RGS20: variants seen among roughly 807,000 people sequenced by gnomAD.
RGS20 encodes regulator of G protein signaling 20.
Under a neutral mutation model 33.6 loss-of-function variants are expected in RGS20, and 30 were observed. The observed-to-expected ratio is 0.89, with a 90% CI of 0.67 to 1.21. The LOEUF (loss-of-function observed/expected upper bound fraction) is 1.21, where lower values mean the gene tolerates loss of function less well. Among genes scored for constraint, RGS20 ranks in the 50% most tolerant of loss-of-function variants. The pLI, the probability that RGS20 is intolerant of heterozygous loss-of-function variation, is 0.00. For synonymous variants in RGS20, 208 were observed against 197.9 expected (o/e 1.05, Z -0.43); for missense variants, 472 against 502.4 (o/e 0.94, Z 0.58).
Position 53,879,412 on chromosome 8 carries a change from T to G in RGS20, c.320T>G (p.Leu107Arg). 1.2e-6 allele frequency: 2 copies of G among 1,609,166 alleles called. No homozygotes were observed. Among genetic ancestry groups the G allele is most frequent in the South Asian group, 2.2e-5 (2 of 90,924 alleles). Reference sequence around the variant, plus strand: ...CGGAGGCGCCTGGACTTCTCCCCCCTGCTTCCCGCCCTGCCGGCCGCCCGG... The same window carrying G: ...CGGAGGCGCCTGGACTTCTCCCCCCGGCTTCCCGCCCTGCCGGCCGCCCGG... The change falls in exon 2 of 6, where the codon CTG (leucine) becomes CGG (arginine). Residue 107 changes from leucine to arginine, a missense_variant. By Grantham distance (102) the Leu-to-Arg change is moderately radical. Transcript: ENST00000297313.
chr8:53,929,310 T>C (rs1813889308), intron 2 of RGS20, among the ~76,000 whole-genome samples: 1 of 152,226 alleles, frequency 6.6e-6, no homozygotes, highest in South Asian at 2.1e-4. Context: ...ATTGGATGTC[T>C]GTTAGACCTC....
chr8:53,886,034 A>C (rs1238272201), intron 2 of RGS20, among the ~76,000 whole-genome samples: 5 of 152,206 alleles, frequency 3.3e-5, no homozygotes, highest in African/African-American at 7.2e-5. Flanking sequence ...GGAATATTTC[A>C]GATTGGTTTT....
intron 2 of RGS20, among the ~76,000 whole-genome samples, chr8:53,904,662 T>C (rs1017064725): frequency 9.9e-5 from 15 of 152,200 alleles, no homozygotes; most frequent in African/African-American, 3.4e-4. Flanking sequence ...CCCAAGTGTT[T>C]AATACTTTCA....
intron 1 of RGS20, among the ~76,000 whole-genome samples, chr8:53,870,877 C>T (rs1311880286): frequency 6.6e-6 from 1 of 151,246 alleles, no homozygotes; most frequent in East Asian, 2.0e-4. Context: ...CTTTGGGAGG[C>T]TGAGGTAGGT....
intron 2 of RGS20, among the ~76,000 whole-genome samples, chr8:53,882,693 C>T (rs547351060): frequency 6.1e-4 from 93 of 152,264 alleles, no homozygotes; most frequent in African/African-American, 2.1e-3. Context: ...TGTCGAACTC[C>T]CCACGTTCCC....
At chr8:53,880,970 G>A in intron 2 of RGS20, 3 of 1,584,836 alleles carry the variant, frequency 1.9e-6, no homozygotes, top group East Asian at 2.3e-5. Context: ...GACGTAGAGA[G>A]GGCAGCCCTC....
intron 2 of RGS20, among the ~76,000 whole-genome samples, chr8:53,922,061 C>T (rs1291386884): frequency 6.6e-6 from 1 of 151,946 alleles, no homozygotes; most frequent in African/African-American, 2.4e-5. Context: ...GCTTGTTGAT[C>T]TTCTATCTAG....
At chr8:53,948,217 G>GTA (rs1318609017) in intron 4 of RGS20, among the ~76,000 whole-genome samples, 1 of 135,908 alleles carries the variant, frequency 7.4e-6, no homozygotes, top group East Asian at 2.1e-4. Flanking sequence ...ATATAAGATA[G>GTA]TATATATATT....
At chr8:53,869,569 G>A (rs776490312) in intron 1 of RGS20, among the ~76,000 whole-genome samples, 6 of 152,082 alleles carry the variant, frequency 3.9e-5, no homozygotes, top group South Asian at 2.1e-4. Context: ...CCAGCTACTC[G>A]GGAGGCTGAG....
Position 53,915,854 on chromosome 8 carries a change from G to A in RGS20, c.511-23722G>A, listed in dbSNP as rs570910751. ...CCTCAATCAAGCCTCTCAGGCAGGT[G>A]TGGTTATAGGCATGAACCACCCCAC... On this transcript the variant is annotated intron_variant, in intron 2 of 5. Transcript: ENST00000297313. Among the ~76,000 whole-genome samples the A allele has an allele frequency of 2.6e-5, 4 of 152,270 alleles. No individual in the cohort carries two copies. In the East Asian group the frequency reaches 7.7e-4, roughly 29 times the overall value.
intron 2 of RGS20, among the ~76,000 whole-genome samples, chr8:53,935,733 C>T (rs932321409): frequency 6.6e-6 from 1 of 152,130 alleles, no homozygotes; most frequent in African/African-American, 2.4e-5. Flanking sequence ...AGAGGGACTC[C>T]TCCCTAACTC....
At chr8:53,908,054 T>G (rs1218493792) in intron 2 of RGS20, among the ~76,000 whole-genome samples, 2 of 152,180 alleles carry the variant, frequency 1.3e-5, no homozygotes, top group African/African-American at 4.8e-5. Flanking sequence ...GACGCATTCA[T>G]GATGCTTGAC....
chr8:53,856,794 C>G (rs1016600423), intron 1 of RGS20, among the ~76,000 whole-genome samples: 2 of 152,192 alleles, frequency 1.3e-5, no homozygotes, highest in African/African-American at 2.4e-5. Context: ...AGTCAATGCC[C>G]TTCTGAAAGT....
At chr8:53,946,543 T>C (rs1322233957) in intron 3 of RGS20, 122 bp from the exon 3 acceptor site, 3 of 869,336 alleles carry the variant, frequency 3.5e-6, no homozygotes, top group Admixed American at 3.7e-5. Context: ...CATTTTTTTT[T>C]CCAAGTAGAG....
chr8:53,911,930 G>C (rs1813358195), intron 2 of RGS20, among the ~76,000 whole-genome samples: 1 of 152,138 alleles, frequency 6.6e-6, no homozygotes, highest in African/African-American at 2.4e-5. Flanking sequence ...GATGGAGTGA[G>C]ATTCTGTGTC....
chr8:53,941,234 G>A (rs1454267731), intron 3 of RGS20, among the ~76,000 whole-genome samples: 1 of 152,148 alleles, frequency 6.6e-6, no homozygotes, highest in Non-Finnish European at 1.5e-5. Context: ...CACCATCATA[G>A]CCAACACTTC....
intron 2 of RGS20, among the ~76,000 whole-genome samples, chr8:53,935,176 CA>C (rs1315692489): frequency 1.3e-5 from 2 of 152,068 alleles, no homozygotes; most frequent in South Asian, 2.1e-4. Context: ...CTAGAATTGA[CA>C]CCCTAACATC....
At chr8:53,951,275 A>G (rs1174570757) in intron 4 of RGS20, among the ~76,000 whole-genome samples, 1 of 152,092 alleles carries the variant, frequency 6.6e-6, no homozygotes, top group African/African-American at 2.4e-5. Context: ...GCTTGAGTCC[A>G]GGAGTTTGAG....
At chr8:53,947,443 AC>A in intron 4 of RGS20, among the ~76,000 whole-genome samples, 1 of 140,342 alleles carries the variant, frequency 7.1e-6, no homozygotes, top group African/African-American at 2.6e-5. Flanking sequence ...TATAGTATAT[AC>A]ATTTATATAT....
Sources: gnomAD v4.1 joint callset for allele counts (sites outside exome capture counted in the v4.1 genomes callset) on GRCh38, gnomAD v4.1.1 for gene constraint, MANE v1.5 for transcripts, NCBI Gene and HGNC (gene_info 2026-07-23, HGNC 2026-07-21) for gene names.